Variants in PKHD1L1 observed in about 807,000 individuals in gnomAD.
The protein encoded by PKHD1L1 is PKHD1 like 1.
PKHD1L1 carries 434 observed loss-of-function variants against 462.9 expected under a neutral mutation model. The ratio of observed to expected loss-of-function variants is 0.94; its 90% confidence interval spans 0.87 to 1.02. The LOEUF (loss-of-function observed/expected upper bound fraction) is 1.02. Ranked by LOEUF, PKHD1L1 falls within the 50% of genes least tolerant of loss-of-function variation. The probability of loss-of-function intolerance (pLI) is 0.00; values close to 1 mark genes in which losing one functional copy is unlikely to be tolerated. For missense variants in PKHD1L1, 5,202 were observed against 5,096.1 expected (o/e 1.02, Z -0.63); for synonymous variants, 1,781 against 1,750.0 (o/e 1.02, Z -0.44).
At position 109,385,519 on chromosome 8, in the gene PKHD1L1, G is replaced by GT; in HGVS notation, c.476-13dup. 6.6e-7 allele frequency: 1 copy of GT among 1,508,546 alleles called. No homozygotes were observed. Among genetic ancestry groups the GT allele is most frequent in the East Asian group, 2.3e-5 (1 of 43,482 alleles). 93.4% of individuals were successfully genotyped at this position (1,508,546 alleles called of 1,614,324 possible). ...TTTTCTTACACAGAATCTTTTTGGGGTTTTTGTTTGTTTTCAGGTACACTA... is the reference window on the plus strand; with the variant it reads ...TTTTCTTACACAGAATCTTTTTGGGGTTTTTTGTTTGTTTTCAGGTACACTA... On this transcript the variant is annotated splice_polypyrimidine_tract_variant and intron_variant, in intron 5 of 77. Coordinates refer to ENST00000378402, the MANE Select transcript of PKHD1L1 (RefSeq NM_177531.6).
At chr8:109,391,878 C>T (rs182447262) in intron 9 of PKHD1L1, among the ~76,000 whole-genome samples, 27 of 152,280 alleles carry the variant, frequency 1.8e-4, no homozygotes, top group African/African-American at 6.0e-4. Context: ...CTTCTAGACA[C>T]CTAGAGGCAA....
chr8:109,521,372 TTCTTAAAAG>T (rs1253288707), intron 73 of PKHD1L1, among the ~76,000 whole-genome samples: 1 of 152,216 alleles, frequency 6.6e-6, no homozygotes, highest in Non-Finnish European at 1.5e-5. Flanking sequence ...TTACAGTTGT[TTCTTAAAAG>T]ATCAGTCTGA....
At chr8:109,491,795 G>C in intron 61 of PKHD1L1, 78 bp from the exon 62 acceptor site, 1 of 1,272,184 alleles carries the variant, frequency 7.9e-7, no homozygotes, top group South Asian at 1.7e-5. Context: ...AAAATCAAAA[G>C]ACATTACTCC....
rs957421186 is a variant in PKHD1L1 at position 109,405,036 on chromosome 8, T to A, written c.1575T>A (p.Asn525Lys). The A allele has an allele frequency of 3.0e-5, 46 of 1,531,398 alleles. No individual in the cohort carries two copies. The highest frequency in any genetic ancestry group is 1.7e-4 in the Middle Eastern group (1 of 5,942). 94.9% of individuals were successfully genotyped at this position (1,531,398 alleles called of 1,614,324 possible). A position where few individuals can be genotyped will look rare whatever the true frequency, so the allele number is the denominator to read the frequency against. ...LENWETTNAI[N>K]EVQKIKVTSP... ...ACTGGGAAACAACTAATGCAATTAA[T>A]GAGGTTCAGAAGATCAAGGTAACCA... The change falls in exon 16 of 78, where the codon AAT becomes AAA. Residue 525 changes from asparagine to lysine, a missense_variant. Around this residue, in one of 3 missense-constraint regions of PKHD1L1, gnomAD observed 4,497 missense variants for 4,336.8 expected, o/e 1.04. Coordinates refer to ENST00000378402, the MANE Select transcript of PKHD1L1 (RefSeq NM_177531.6).
rs570573575 is a variant in PKHD1L1, at chr8:109,362,535, G to C, written c.-46G>C. ...CCAGGAGCCGAGCTCCAGCACTAGA[G>C]CCAGCTGCGAGCGGAGGGCACCAAC... is the stretch of plus-strand genomic sequence containing the variant. On this transcript the variant is annotated 5_prime_UTR_variant, in exon 1 of 78. Coordinates refer to ENST00000378402, the MANE Select transcript of PKHD1L1 (RefSeq NM_177531.6). The C allele has an allele frequency of 1.1e-5, 17 of 1,533,558 alleles. No homozygotes were observed. In the Admixed American group the frequency reaches 2.7e-4, roughly 24 times the overall value. The allele number at this position is 1,533,558 out of a possible 1,614,324, so 95.0% of individuals were successfully genotyped here. A position where few individuals can be genotyped will look rare whatever the true frequency, so the allele number is the denominator to read the frequency against.
At chr8:109,495,324 T>A (rs1819031914) in intron 63 of PKHD1L1, among the ~76,000 whole-genome samples, 11 of 152,136 alleles carry the variant, frequency 7.2e-5, no homozygotes, top group Admixed American at 7.2e-4. Context: ...TATGGATTTT[T>A]CAACATCAAA....
chr8:109,526,907 C>G lies in PKHD1L1; in HGVS notation c.12608C>G (p.Ser4203Ter). The G allele has an allele frequency of 6.2e-7, 1 of 1,613,158 alleles. No homozygotes were observed. Among genetic ancestry groups the G allele is most frequent in the South Asian group, 1.1e-5 (1 of 90,884 alleles). ...AGCAGCAGCAGCAACAGCAAAGCATCAACTGTGGGTACATATGCCCAGATA... is the reference window on the plus strand; with the variant it reads ...AGCAGCAGCAGCAACAGCAAAGCATGAACTGTGGGTACATATGCCCAGATA... ...GSSSSSNSKA[S>*]TVGTYAQIMT... The change falls in exon 77 of 78, where the codon TCA becomes TGA. Residue 4203 changes from serine to a stop codon, truncating the protein, a stop_gained. Coordinates refer to ENST00000378402, the MANE Select transcript of PKHD1L1 (RefSeq NM_177531.6). LOFTEE classifies it high-confidence loss of function.
At chr8:109,362,903 A>T (rs554609363) in intron 1 of PKHD1L1, among the ~76,000 whole-genome samples, 1 of 152,178 alleles carries the variant, frequency 6.6e-6, no homozygotes, top group African/African-American at 2.4e-5. Context: ...TAACTCATCA[A>T]TGCTGCTACT....
intron 2 of PKHD1L1, among the ~76,000 whole-genome samples, chr8:109,375,695 C>T (rs1298929013): frequency 2.0e-5 from 3 of 152,120 alleles, no homozygotes; most frequent in Admixed American, 2.0e-4. Context: ...GATGTCCTTT[C>T]TGTTTGTTAG....
At chr8:109,368,287 A>G (rs1051595698) in intron 2 of PKHD1L1, among the ~76,000 whole-genome samples, 1 of 152,202 alleles carries the variant, frequency 6.6e-6, no homozygotes, top group African/African-American at 2.4e-5. Flanking sequence ...TATACTTTTA[A>G]TAATGTCACA....
chr8:109,440,999 A>T, intron 33 of PKHD1L1, 147 bp downstream of exon 33: 8 of 993,678 alleles, frequency 8.1e-6, no homozygotes, highest in Non-Finnish European at 1.2e-5. Flanking sequence ...GGTTAAAGTG[A>T]TAAAGAGAAA....
chr8:109,362,743 C>A, intron 1 of PKHD1L1, 90 bp downstream of exon 1: 1 of 1,380,162 alleles, frequency 7.2e-7, no homozygotes, highest in Non-Finnish European at 1.0e-6. Flanking sequence ...GGCAGGACCA[C>A]CTGGCACCTG....
At chr8:109,382,225 T>C (rs1008302653) in intron 3 of PKHD1L1, among the ~76,000 whole-genome samples, 5 of 152,172 alleles carry the variant, frequency 3.3e-5, no homozygotes, top group Middle Eastern at 3.2e-3. Context: ...TTAATACCAA[T>C]GTGCACAGTC....
chr8:109,394,197 A>AAAAAG (rs1266975693), intron 9 of PKHD1L1, among the ~76,000 whole-genome samples: 2 of 135,918 alleles, frequency 1.5e-5, no homozygotes, highest in Non-Finnish European at 3.2e-5. Context: ...AAAAAAAAAA[A>AAAAAG]GAAATCAACT....
At chr8:109,474,761 A>G (rs1203854738) in intron 50 of PKHD1L1, among the ~76,000 whole-genome samples, 1 of 152,130 alleles carries the variant, frequency 6.6e-6, no homozygotes, top group East Asian at 1.9e-4. Context: ...AATTATATTA[A>G]TATATTTAGG....
chr8:109,412,770 G>C, intron 20 of PKHD1L1, among the ~76,000 whole-genome samples: 1 of 151,994 alleles, frequency 6.6e-6, no homozygotes, highest in East Asian at 1.9e-4. Flanking sequence ...AGCCATCATA[G>C]GATGATCTTG....
At chr8:109,523,505 G>GT in intron 76 of PKHD1L1, 119 bp downstream of exon 76, 2 of 973,134 alleles carry the variant, frequency 2.1e-6, no homozygotes, top group Non-Finnish European at 2.8e-6. Context: ...ACATCAGAAT[G>GT]CTATATTTTG....
intron 55 of PKHD1L1, among the ~76,000 whole-genome samples, chr8:109,480,368 T>A (rs943909356): frequency 6.6e-5 from 10 of 152,074 alleles, no homozygotes; most frequent in Non-Finnish European, 8.8e-5. Context: ...AGTCTGCAGT[T>A]GGCCCAGTTT....
intron 43 of PKHD1L1, among the ~76,000 whole-genome samples, chr8:109,453,677 A>G (rs1816664253): frequency 6.6e-6 from 1 of 152,224 alleles, no homozygotes; most frequent in Non-Finnish European, 1.5e-5. Flanking sequence ...CACTAGTCTC[A>G]TAAAAATGTA....
Sources: gnomAD v4.1 joint callset for allele counts (sites outside exome capture counted in the v4.1 genomes callset) on GRCh38, gnomAD v4.1.1 for gene constraint, gnomAD v4.1.1 regional missense constraint, MANE v1.5 for transcripts, NCBI Gene and HGNC (gene_info 2026-07-23, HGNC 2026-07-21) for gene names.